Variants in TAOK3 observed in about 807,000 individuals in gnomAD.
TAOK3 encodes serine/threonine-protein kinase TAO3.
TAOK3 carries 40 observed loss-of-function variants against 120.4 expected under a neutral mutation model. The observed-to-expected ratio is 0.33, with a 90% CI of 0.26 to 0.43. TAOK3 has a LOEUF of 0.43. Among genes scored for constraint, TAOK3 ranks in the 20% least tolerant of loss-of-function variants. The pLI, the probability that TAOK3 is intolerant of heterozygous loss-of-function variation, is 1.00. For synonymous variants in TAOK3, 355 were observed against 387.5 expected (o/e 0.92, Z 0.99); for missense variants, 821 against 1,112.1 (o/e 0.74, Z 3.72).
At chr12:118,302,232 C>T (rs1406115970) in intron 1 of TAOK3, among the ~76,000 whole-genome samples, 2 of 152,188 alleles carry the variant, frequency 1.3e-5, no homozygotes, top group Non-Finnish European at 2.9e-5. Flanking sequence ...TGACAGGAAG[C>T]AGAGCAAAAA....
intron 1 of TAOK3, among the ~76,000 whole-genome samples, chr12:118,298,472 C>G (rs1186323296): frequency 2.0e-5 from 3 of 152,082 alleles, no homozygotes; most frequent in Non-Finnish European, 4.4e-5. Flanking sequence ...GTCAAGATCA[C>G]AAATAAACAC....
In TAOK3 at chr12:118,161,721, G is replaced by A; in HGVS notation, c.2139+67C>T. 1 of 1,582,526 alleles carries A rather than the reference G, an allele frequency of 6.3e-7. No individual in the cohort carries two copies. Among genetic ancestry groups the A allele is most frequent in the Non-Finnish European group, 8.6e-7 (1 of 1,160,814 alleles). On this transcript the variant is annotated intron_variant, in intron 18 of 20. Transcript: ENST00000392533. The surrounding 1 kb of genome is among the most constrained non-coding windows in gnomAD (Gnocchi z 4.5). ...TGTGATTCTGAAAAGTTGCTCAGGT[G>A]ACTCTGACACTTCAGGTAGAGAAAC...
intron 2 of TAOK3, among the ~76,000 whole-genome samples, chr12:118,262,465 G>A (rs2041271703): frequency 2.0e-5 from 3 of 151,984 alleles, no homozygotes; most frequent in Admixed American, 6.6e-5. Flanking sequence ...CGGGGCGACA[G>A]GGCGAGACTC....
intron 5 of TAOK3, among the ~76,000 whole-genome samples, chr12:118,239,717 T>TC (rs2040162926): frequency 6.6e-6 from 1 of 152,236 alleles, no homozygotes; most frequent in Non-Finnish European, 1.5e-5. Flanking sequence ...TTCCTTTTTT[T>TC]CACACTTTAA....
At chr12:118,324,234 G>A (rs2140970812) in intron 1 of TAOK3, among the ~76,000 whole-genome samples, 1 of 152,280 alleles carries the variant, frequency 6.6e-6, no homozygotes, top group East Asian at 1.9e-4. Flanking sequence ...TAAAGTGATT[G>A]CCTCTGAGAA....
intron 15 of TAOK3, among the ~76,000 whole-genome samples, chr12:118,179,849 T>C (rs2036588620): frequency 6.6e-6 from 1 of 151,334 alleles, no homozygotes; most frequent in Admixed American, 6.6e-5. Context: ...TTTCACCATG[T>C]TGGCCAGGCT....
chr12:118,187,468 T>C (rs1002002012), intron 14 of TAOK3, among the ~76,000 whole-genome samples: 1 of 152,204 alleles, frequency 6.6e-6, no homozygotes, highest in Non-Finnish European at 1.5e-5. Flanking sequence ...ACTGTTGGCA[T>C]TAGGCTTTAA....
At chr12:118,239,922 T>G (rs1440855877) in intron 5 of TAOK3, among the ~76,000 whole-genome samples, 1 of 152,136 alleles carries the variant, frequency 6.6e-6, no homozygotes, top group African/African-American at 2.4e-5. Flanking sequence ...ATCCCAGCAC[T>G]TTGGGAGGCT....
At chr12:118,323,758 A>G (rs555560458) in intron 1 of TAOK3, among the ~76,000 whole-genome samples, 1 of 152,330 alleles carries the variant, frequency 6.6e-6, no homozygotes, top group South Asian at 2.1e-4. Flanking sequence ...TATGCATATA[A>G]TCATATATAG....
At chr12:118,348,856 T>C (rs542689) in intron 1 of TAOK3, among the ~76,000 whole-genome samples, 62,785 of 149,180 alleles carry the variant, frequency 0.42, 14,036 homozygotes, top group Admixed American at 0.48. Flanking sequence ...TTTTTTTTTT[T>C]TTTTTTTTTG....
At chr12:118,245,774 TGATTAGG>T (rs1387192629) in intron 3 of TAOK3, among the ~76,000 whole-genome samples, 26 of 152,214 alleles carry the variant, frequency 1.7e-4, no homozygotes, top group Non-Finnish European at 1.5e-5. Flanking sequence ...ATATAAAAAA[TGATTAGG>T]GTTTAATATA....
chr12:118,359,240 T>G (rs1388813833), intron 1 of TAOK3: 1 of 152,090 alleles, frequency 6.6e-6, no homozygotes, highest in Non-Finnish European at 1.5e-5. Flanking sequence ...TAGAAAGAAC[T>G]CTCTAAAAAT....
chr12:118,160,554 T>G lies in TAOK3; in HGVS notation c.2140-196A>C, dbSNP rs898775655. On this transcript the variant is annotated intron_variant, in intron 18 of 20. Transcript: ENST00000392533. This position sits in a 1 kb window ranked among gnomAD's most constrained non-coding sequence, Gnocchi z 4.2. ...TCTACCTGTACTTTTGGTTTTATAT[T>G]GAATGACTATAAGTAATTTTGAATT... 6.6e-6 allele frequency among the ~76,000 whole-genome samples: 1 copy of G among 152,210 alleles called. No homozygotes were observed. The highest frequency in any genetic ancestry group is 1.5e-5 in the Non-Finnish European group (1 of 68,040).
intron 1 of TAOK3, among the ~76,000 whole-genome samples, chr12:118,337,799 T>C (rs932676876): frequency 6.6e-6 from 1 of 152,230 alleles, no homozygotes; most frequent in Non-Finnish European, 1.5e-5. Context: ...GCTGTGATAA[T>C]GTAGCCTCAT....
At chr12:118,215,436 C>G (rs894472888) in intron 9 of TAOK3, among the ~76,000 whole-genome samples, 3 of 151,578 alleles carry the variant, frequency 2.0e-5, no homozygotes, top group Non-Finnish European at 4.4e-5. Flanking sequence ...GGCATGAACC[C>G]GAGAGGCAGA....
intron 2 of TAOK3, among the ~76,000 whole-genome samples, chr12:118,258,985 C>A (rs1446107136): frequency 6.6e-6 from 1 of 151,866 alleles, no homozygotes; most frequent in Non-Finnish European, 1.5e-5. Flanking sequence ...GGGGGGAAAA[C>A]AAGGATTATA....
At chr12:118,338,894 C>G (rs995882652) in intron 1 of TAOK3, among the ~76,000 whole-genome samples, 1 of 148,754 alleles carries the variant, frequency 6.7e-6, no homozygotes, top group Non-Finnish European at 1.5e-5. Context: ...TTAGTTGTGT[C>G]TTACAAGATA....
intron 7 of TAOK3, 102 bp from the exon 8 acceptor site, chr12:118,235,773 C>T: frequency 1.5e-6 from 1 of 687,606 alleles, no homozygotes. Flanking sequence ...TTTAAACGAA[C>T]AAACAAACAA....
intron 10 of TAOK3, 65 bp downstream of exon 10, chr12:118,213,952 G>A: frequency 7.4e-7 from 1 of 1,359,360 alleles, no homozygotes; most frequent in South Asian, 1.2e-5. Context: ...AAAATGTAAT[G>A]TAATAAAAAT....
Sources: allele counts gnomAD v4.1 joint callset (sites outside exome capture counted in the v4.1 genomes callset), GRCh38; gene constraint gnomAD v4.1.1; non-coding constraint Gnocchi (gnomAD v3.1); transcripts MANE v1.5; gene names NCBI Gene and HGNC (gene_info 2026-07-23, HGNC 2026-07-21).